AMBRA1: variants seen among roughly 807,000 people sequenced by gnomAD.
The protein encoded by AMBRA1 is activating molecule in BECN1-regulated autophagy protein 1.
Under a neutral mutation model 125.4 loss-of-function variants are expected in AMBRA1, and 47 were observed. The ratio of observed to expected loss-of-function variants is 0.37; its 90% CI spans 0.30 to 0.48. The LOEUF is 0.48. Among genes scored for constraint, AMBRA1 ranks in the 20% least tolerant of loss-of-function variants. The pLI is 0.99. For synonymous variants in AMBRA1, 626 were observed against 655.5 expected, an observed-to-expected ratio of 0.95 and a Z score of 0.69; for missense variants, 1,331 against 1,693.4, an observed-to-expected ratio of 0.79 and a Z score of 3.76.
At chr11:46,443,434 G>C (rs79899566) in intron 12 of AMBRA1, 54 bp downstream of exon 12, 1 of 1,462,610 alleles carries the variant, frequency 6.8e-7, no homozygotes. Flanking sequence ...TTGAGTTCTG[G>C]CTCACCAGCA....
At chr11:46,483,777 A>G (rs1453556933) in intron 11 of AMBRA1, among the ~76,000 whole-genome samples, 2 of 152,136 alleles carry the variant, frequency 1.3e-5, no homozygotes, top group East Asian at 3.9e-4. Context: ...GTGTACGCCT[A>G]TAGTCCCAGC....
intron 1 of AMBRA1, among the ~76,000 whole-genome samples, chr11:46,574,560 A>AT (rs912025294): frequency 6.6e-6 from 1 of 151,804 alleles, no homozygotes; most frequent in African/African-American, 2.4e-5. Context: ...TAGATTCTGG[A>AT]TATTAGCCCT....
chr11:46,532,746 A>G (rs550195144), intron 7 of AMBRA1, among the ~76,000 whole-genome samples: 97 of 152,218 alleles, frequency 6.4e-4, no homozygotes, highest in Non-Finnish European at 1.1e-3. Flanking sequence ...TAAGAGTTCT[A>G]ATCTATGAAA....
intron 1 of AMBRA1, among the ~76,000 whole-genome samples, chr11:46,582,286 C>T (rs764268173): frequency 2.0e-5 from 3 of 152,116 alleles, no homozygotes; most frequent in African/African-American, 2.4e-5. Flanking sequence ...TTCATACATG[C>T]TATTCCCTTC....
At chr11:46,559,676 T>C (rs2043267952) in intron 1 of AMBRA1, among the ~76,000 whole-genome samples, 1 of 152,136 alleles carries the variant, frequency 6.6e-6, no homozygotes, top group South Asian at 2.1e-4. Flanking sequence ...AATCTGGGGA[T>C]ATAGGAGTAT....
chr11:46,469,898 G>A (rs539386031), intron 11 of AMBRA1, among the ~76,000 whole-genome samples: 19 of 145,338 alleles, frequency 1.3e-4, no homozygotes, highest in South Asian at 1.3e-3. Flanking sequence ...GACTGGTCTC[G>A]AACTCCTGGC....
rs541266582 is a variant in AMBRA1, at chr11:46,494,252, T to TA, written c.2340-49_2340-48insT. The TA allele has an allele frequency of 6.7e-4, 994 of 1,480,670 alleles. 5 individuals are homozygous for TA. The African/African-American group carries it at 0.013, about 19-fold the overall frequency. 91.7% of individuals were successfully genotyped at this position (1,480,670 alleles called of 1,614,324 possible). The stretch of plus-strand genomic sequence containing the variant: ...ACATAAGAGAGTCACTAAGGAAGAA[T>TA]CATCCACCAGCCCAAAAAGGAAACA... On this transcript the variant is annotated intron_variant, in intron 9 of 17. Transcript: ENST00000683756.
intron 5 of AMBRA1, among the ~76,000 whole-genome samples, chr11:46,545,131 A>C: frequency 9.4e-6 from 1 of 105,910 alleles, no homozygotes; most frequent in Non-Finnish European, 1.8e-5. Flanking sequence ...ACAGAGCAAG[A>C]CCCTGTCTCC....
At position 46,512,606 on chromosome 11, in the gene AMBRA1, T is replaced by C. The variant is rs1207903377; in HGVS notation, c.2159+121A>G. On this transcript the variant is annotated intron_variant, in intron 8 of 17. Coordinates refer to ENST00000683756, the MANE Select transcript of AMBRA1 (RefSeq NM_001387011.1). ...TCACCTGAACCACCTGTCTCAAAAC[T>C]GTAACTGAAGAATAAAAGAGCACCA... is the stretch of plus-strand genomic sequence containing the variant. 10 of 700,202 alleles carry C rather than the reference T, an allele frequency of 1.4e-5. No homozygotes were observed. In the African/African-American group the frequency reaches 1.6e-4, roughly 11 times the overall value. 43.4% of individuals were successfully genotyped at this position (700,202 alleles called of 1,614,324 possible).
At chr11:46,575,747 C>T (rs1201130349) in intron 1 of AMBRA1, among the ~76,000 whole-genome samples, 1 of 152,064 alleles carries the variant, frequency 6.6e-6, no homozygotes, top group Non-Finnish European at 1.5e-5. Context: ...GAACTCCTGA[C>T]CTCGTGATCT....
At chr11:46,465,318 C>T (rs763712424) in intron 11 of AMBRA1, among the ~76,000 whole-genome samples, 6 of 152,286 alleles carry the variant, frequency 3.9e-5, no homozygotes, top group Non-Finnish European at 5.9e-5. Flanking sequence ...GCATGGCACA[C>T]GCTCATCTCT....
At position 46,512,781 on chromosome 11, in the gene AMBRA1, G is replaced by T. The variant is rs758476281; in HGVS notation, c.2105C>A (p.Ser702Tyr). ...RLLESSLISL[S>Y]RYDGAGSREH... The stretch of plus-strand genomic sequence containing the variant: ...TCTGGATCCTGCTCCATCATAACGG[G>T]ATAATGAAATGAGGGAAGATTCCAG... The change falls in exon 8 of 18, where the codon TCC (serine) becomes TAC (tyrosine). Residue 702 changes from serine (S) to tyrosine (Y), a missense_variant. Physicochemically the swap from Ser to Tyr is moderately radical, Grantham distance 144. Coordinates refer to ENST00000683756, the MANE Select transcript of AMBRA1 (RefSeq NM_001387011.1). The T allele has an allele frequency of 6.2e-7, 1 of 1,613,356 alleles. No individual in the cohort carries two copies. Among genetic ancestry groups the T allele is most frequent in the Non-Finnish European group, 8.5e-7 (1 of 1,179,686 alleles).
chr11:46,574,207 T>C (rs1267047907), intron 1 of AMBRA1, among the ~76,000 whole-genome samples: 1 of 143,846 alleles, frequency 7.0e-6, no homozygotes, highest in Non-Finnish European at 1.5e-5. Flanking sequence ...GGTGAAATGG[T>C]ATTTCTAGTT....
intron 1 of AMBRA1, among the ~76,000 whole-genome samples, chr11:46,578,513 T>C (rs1565318336): frequency 6.6e-6 from 1 of 150,694 alleles, no homozygotes; most frequent in Non-Finnish European, 1.5e-5. Context: ...GGTAGGACTG[T>C]AGCCAAAATG....
chr11:46,442,531 G>A (rs945974375), intron 12 of AMBRA1, among the ~76,000 whole-genome samples: 6 of 152,116 alleles, frequency 3.9e-5, no homozygotes, highest in Admixed American at 2.6e-4. Flanking sequence ...GCAGAGGCTG[G>A]ACCATCCCTC....
At chr11:46,579,472 TTAAG>T (rs1348398829) in intron 1 of AMBRA1, among the ~76,000 whole-genome samples, 3 of 151,930 alleles carry the variant, frequency 2.0e-5, no homozygotes, top group African/African-American at 2.4e-5. Context: ...AATAAATAAA[TTAAG>T]TAAGTAAGTA....
chr11:46,528,757 T>C (rs1952087883), intron 7 of AMBRA1, among the ~76,000 whole-genome samples: 1 of 152,086 alleles, frequency 6.6e-6, no homozygotes, highest in African/African-American at 2.4e-5. Context: ...TAAATCTATG[T>C]TATGTTTTCT....
chr11:46,557,124 G>A (rs188109664), intron 1 of AMBRA1, among the ~76,000 whole-genome samples: 6 of 132,052 alleles, frequency 4.5e-5, no homozygotes, highest in Admixed American at 2.4e-4. Flanking sequence ...CAACAAGAGC[G>A]AAACTCCATC....
intron 1 of AMBRA1, among the ~76,000 whole-genome samples, chr11:46,561,113 G>T (rs1348947619): frequency 2.0e-5 from 3 of 152,162 alleles, no homozygotes; most frequent in East Asian, 3.9e-4. Flanking sequence ...AGGCGCAGTA[G>T]CTCACACCTG....
Sources: gnomAD v4.1 joint callset for allele counts (sites outside exome capture counted in the v4.1 genomes callset) on GRCh38, gnomAD v4.1.1 for gene constraint, MANE v1.5 for transcripts, NCBI Gene and HGNC (gene_info 2026-07-23, HGNC 2026-07-21) for gene names.